ANO10: variants seen among roughly 807,000 people sequenced by gnomAD.
ANO10 encodes the protein anoctamin 10.
ANO10 carries 77 observed loss-of-function variants against 74.7 expected under a neutral mutation model. The ratio of observed to expected loss-of-function variants is 1.03; its 90% CI spans 0.86 to 1.25. The LOEUF (loss-of-function observed/expected upper bound fraction) is 1.25. ANO10 is among the 50% of genes most tolerant of loss of function. The pLI is 0.00. For missense variants in ANO10, 721 were observed against 778.1 expected, an observed-to-expected ratio of 0.93 and a Z score of 0.87; for synonymous variants, 279 against 284.9, an observed-to-expected ratio of 0.98 and a Z score of 0.21.
At chr3:43,367,109 T>G (rs1484651187) in intron 12 of ANO10, 135 bp from the exon 13 acceptor site, 1 of 800,554 alleles carries the variant, frequency 1.2e-6, no homozygotes, top group Non-Finnish European at 2.1e-6. Context: ...TGCAGCTTCC[T>G]GCAAGTCCCT....
intron 1 of ANO10, among the ~76,000 whole-genome samples, chr3:43,643,702 T>A (rs893926669): frequency 3.4e-5 from 5 of 147,452 alleles, no homozygotes; most frequent in Non-Finnish European, 7.4e-5. Flanking sequence ...TTTTTTTTTT[T>A]AGATGGAGTC....
chr3:43,544,499 A>G (rs2079091345), intron 11 of ANO10, among the ~76,000 whole-genome samples: 2 of 152,114 alleles, frequency 1.3e-5, no homozygotes, highest in African/African-American at 4.8e-5. Context: ...TTAAAAAAAA[A>G]TGAAGAATCA....
intron 12 of ANO10, among the ~76,000 whole-genome samples, chr3:43,406,860 T>C (rs1490752044): frequency 6.6e-6 from 1 of 152,130 alleles, no homozygotes; most frequent in Non-Finnish European, 1.5e-5. Flanking sequence ...AGAAAGTCAC[T>C]AGGTTATTCC....
At chr3:43,600,326 A>G in intron 3 of ANO10, 58 bp downstream of exon 3, 1 of 1,590,722 alleles carries the variant, frequency 6.3e-7, no homozygotes, top group Non-Finnish European at 8.6e-7. Flanking sequence ...TGATCTATTC[A>G]TCATAAACTT....
chr3:43,523,192 CA>C (rs1339091422), intron 11 of ANO10, among the ~76,000 whole-genome samples: 2 of 152,180 alleles, frequency 1.3e-5, no homozygotes, highest in African/African-American at 4.8e-5. Flanking sequence ...GGGTTCTCAG[CA>C]GAGGAAACAG....
At chr3:43,477,454 C>T (rs1037743499) in intron 11 of ANO10, among the ~76,000 whole-genome samples, 4 of 152,158 alleles carry the variant, frequency 2.6e-5, no homozygotes, top group African/African-American at 4.8e-5. Flanking sequence ...CATCTATTAC[C>T]TTCCATTTCA....
intron 11 of ANO10, chr3:43,485,841 C>T: frequency 1.1e-5 from 3 of 284,608 alleles, no homozygotes; most frequent in Admixed American, 4.5e-5. Flanking sequence ...AGGCAGCGAC[C>T]CACCACCTTG....
chr3:43,487,475 T>C (rs1202899628), intron 11 of ANO10, among the ~76,000 whole-genome samples: 27 of 152,076 alleles, frequency 1.8e-4, no homozygotes, highest in African/African-American at 6.5e-4. Flanking sequence ...ATTGCCACAA[T>C]TTCAGCTCCT....
At chr3:43,412,451 G>A (rs536320543) in intron 12 of ANO10, among the ~76,000 whole-genome samples, 8 of 152,274 alleles carry the variant, frequency 5.3e-5, no homozygotes, top group South Asian at 2.1e-4. Context: ...TGAACACACC[G>A]TTGCCTGCAC....
At chr3:43,373,113 T>A (rs2091676920) in intron 12 of ANO10, among the ~76,000 whole-genome samples, 2 of 151,796 alleles carry the variant, frequency 1.3e-5, no homozygotes, top group Non-Finnish European at 2.9e-5. Flanking sequence ...CCTGCCCTGG[T>A]AACAATGCAG....
intron 1 of ANO10, among the ~76,000 whole-genome samples, chr3:43,687,160 A>G (rs1011898235): frequency 6.6e-6 from 1 of 152,202 alleles, no homozygotes; most frequent in Non-Finnish European, 1.5e-5. Context: ...TTCTTTATAA[A>G]CATTTACAGG....
intron 11 of ANO10, among the ~76,000 whole-genome samples, chr3:43,533,974 A>G (rs1360056075): frequency 6.6e-6 from 1 of 152,218 alleles, no homozygotes; most frequent in Non-Finnish European, 1.5e-5. Context: ...ACACTTGTAT[A>G]CTTGTTTATC....
At chr3:43,655,087 C>A (rs2083832961) in intron 1 of ANO10, among the ~76,000 whole-genome samples, 1 of 152,116 alleles carries the variant, frequency 6.6e-6, no homozygotes, top group African/African-American at 2.4e-5. Context: ...AATCATTTTC[C>A]TTTTACACGT....
chr3:43,537,777 T>G (rs1238091476), intron 11 of ANO10, among the ~76,000 whole-genome samples: 1 of 152,170 alleles, frequency 6.6e-6, no homozygotes, highest in East Asian at 1.9e-4. Flanking sequence ...CATAACATAA[T>G]GGGACTGGGA....
intron 12 of ANO10, among the ~76,000 whole-genome samples, chr3:43,375,606 C>T (rs923566341): frequency 1.3e-5 from 2 of 152,128 alleles, no homozygotes; most frequent in Admixed American, 1.3e-4. Context: ...AACTCAGATG[C>T]GGAGACACTT....
intron 11 of ANO10, among the ~76,000 whole-genome samples, chr3:43,496,770 C>T (rs1033811777): frequency 1.3e-5 from 2 of 152,076 alleles, no homozygotes; most frequent in African/African-American, 4.8e-5. Context: ...TGAAGCTTAT[C>T]CTTTGTCCCC....
intron 2 of ANO10, among the ~76,000 whole-genome samples, chr3:43,605,034 T>C (rs973435004): frequency 1.3e-5 from 2 of 152,138 alleles, no homozygotes; most frequent in African/African-American, 4.8e-5. Context: ...TGTTGTTTTG[T>C]ATAGTTTACA....
intron 1 of ANO10, among the ~76,000 whole-genome samples, chr3:43,629,552 C>T (rs1239565971): frequency 2.0e-5 from 3 of 152,108 alleles, no homozygotes; most frequent in Non-Finnish European, 2.9e-5. Context: ...AGCAGAGACA[C>T]AAGGATGGAA....
At chr3:43,658,313 C>T (rs920000848) in intron 1 of ANO10, among the ~76,000 whole-genome samples, 8 of 151,852 alleles carry the variant, frequency 5.3e-5, no homozygotes, top group African/African-American at 7.3e-5. Flanking sequence ...AGCAAATCAT[C>T]GAAGAATAAG....
Sources: allele counts gnomAD v4.1 joint callset (sites outside exome capture counted in the v4.1 genomes callset), GRCh38; gene constraint gnomAD v4.1.1; transcripts MANE v1.5; gene names NCBI Gene and HGNC (gene_info 2026-07-23, HGNC 2026-07-21).